The following CD55 variants were observed in gnomAD, a reference collection of about 807,000 sequenced individuals.
CD55 encodes the protein complement decay-accelerating factor.
CD55 carries 41 observed loss-of-function variants against 45.8 expected under a neutral mutation model. That is an observed-to-expected ratio of 0.90 (90% CI 0.70 to 1.16). The LOEUF (loss-of-function observed/expected upper bound fraction) is 1.16. Among genes scored for constraint, CD55 ranks in the 50% most tolerant of loss-of-function variants. The pLI is 0.00. For synonymous variants in CD55, 181 were observed against 181.1 expected (o/e 1.00, Z 0.01); for missense variants, 416 against 469.8 (o/e 0.89, Z 1.06).
chr1:207,356,975 C>T (rs1419049015), intron 9 of CD55, among the ~76,000 whole-genome samples: 5 of 152,082 alleles, frequency 3.3e-5, no homozygotes, highest in Admixed American at 3.3e-4. Context: ...TCCGTTTTTC[C>T]CATTAATAAG....
chr1:207,335,616 A>T (rs963731342), intron 6 of CD55, among the ~76,000 whole-genome samples: 1 of 152,168 alleles, frequency 6.6e-6, no homozygotes, highest in Non-Finnish European at 1.5e-5. Flanking sequence ...AAAAAACTTT[A>T]CTTATCTTAA....
intron 3 of CD55, 73 bp from the exon 4 acceptor site, chr1:207,325,549 C>T: frequency 1.2e-6 from 1 of 849,528 alleles, no homozygotes; most frequent in South Asian, 1.6e-5. Context: ...TATCTACCAC[C>T]TCACATAGTT....
At chr1:207,344,804 C>A (rs1232726269) in intron 9 of CD55, among the ~76,000 whole-genome samples, 4 of 152,164 alleles carry the variant, frequency 2.6e-5, no homozygotes, top group Non-Finnish European at 4.4e-5. Flanking sequence ...CCTCTGCCTC[C>A]CAAGTTCAAG....
chr1:207,357,019 C>T (rs1656102977), intron 9 of CD55, among the ~76,000 whole-genome samples: 1 of 152,116 alleles, frequency 6.6e-6, no homozygotes, highest in African/African-American at 2.4e-5. Context: ...ATTAAATTGT[C>T]TGTTTTAATT....
intron 9 of CD55, among the ~76,000 whole-genome samples, chr1:207,340,184 T>C (rs1011483821): frequency 6.6e-6 from 1 of 152,112 alleles, no homozygotes; most frequent in Non-Finnish European, 1.5e-5. Flanking sequence ...TGAGAACTTT[T>C]TTAGGTCTCA....
intron 9 of CD55, among the ~76,000 whole-genome samples, chr1:207,349,964 T>C (rs575578896): frequency 3.9e-5 from 6 of 152,222 alleles, no homozygotes; most frequent in Non-Finnish European, 8.8e-5. Context: ...CTTCCAGCTT[T>C]TGCTCATTCA....
At chr1:207,341,662 A>G (rs929885389) in intron 9 of CD55, among the ~76,000 whole-genome samples, 5 of 152,000 alleles carry the variant, frequency 3.3e-5, no homozygotes, top group African/African-American at 9.7e-5. Flanking sequence ...CTATAACCTT[A>G]TATTTTGAAG....
At chr1:207,345,438 G>T (rs1655594302) in intron 9 of CD55, among the ~76,000 whole-genome samples, 1 of 151,638 alleles carries the variant, frequency 6.6e-6, no homozygotes, top group Middle Eastern at 3.4e-3. Flanking sequence ...ATCTTTTTTT[G>T]ATAAACATCT....
At chr1:207,344,855 A>G (rs1258127536) in intron 9 of CD55, among the ~76,000 whole-genome samples, 1 of 152,086 alleles carries the variant, frequency 6.6e-6, no homozygotes, top group Non-Finnish European at 1.5e-5. Context: ...AGCTGGGATT[A>G]CAGGTGTGTG....
Position 207,354,152 on chromosome 1 carries a change from A to G in CD55, c.1082-5394A>G, listed in dbSNP as rs1267729100. 4 of 1,482,070 alleles carry G rather than the reference A, an allele frequency of 2.7e-6. No individual in the cohort carries two copies. In the African/African-American group the frequency reaches 5.6e-5, roughly 21 times the overall value. 91.8% of individuals were successfully genotyped at this position (1,482,070 alleles called of 1,614,324 possible). On this transcript the variant is annotated intron_variant, in intron 9 of 9. Coordinates refer to ENST00000367064, the MANE Select transcript of CD55 (RefSeq NM_000574.5). ...TCTTTGGCAGTGAAGATGATACCCT[A>G]TATATTAATGTAGTATCTGTCTAAT...
Position 207,326,838 on chromosome 1 carries a change from G to A in CD55, c.664+1G>A. 1.2e-6 allele frequency: 2 copies of A among 1,608,550 alleles called. No individual in the cohort carries two copies. Among genetic ancestry groups the A allele is most frequent in the Non-Finnish European group, 1.7e-6 (2 of 1,175,742 alleles). On this transcript the variant is annotated splice_donor_variant, in intron 5 of 9. Transcript: ENST00000367064. LOFTEE classifies it high-confidence loss of function. ...AGTGACCCGTTGCCAGAGTGCAGAG[G>A]TAAGAGTTAAAAAATCTAAGCACTC...
Position 207,359,750 on chromosome 1 carries a change from A to C in CD55, c.*140A>C. ...TTCATTGTCTTTAAGATGTGTTAGG[A>C]ATGTCAACAGAGCAAGGAGAAAAAA... On this transcript the variant is annotated 3_prime_UTR_variant, in exon 10 of 10. Transcript: ENST00000367064. 8.6e-7 allele frequency: 1 copy of C among 1,165,684 alleles called. No homozygotes were observed. The highest frequency in any genetic ancestry group is 1.1e-6 in the Non-Finnish European group (1 of 877,106). 72.2% of individuals were successfully genotyped at this position (1,165,684 alleles called of 1,614,324 possible). A position where few individuals can be genotyped will look rare whatever the true frequency, so the allele number is the denominator to read the frequency against.
chr1:207,326,436 A>G (rs999073311), intron 4 of CD55, among the ~76,000 whole-genome samples: 2 of 152,206 alleles, frequency 1.3e-5, no homozygotes, highest in Admixed American at 1.3e-4. Flanking sequence ...TGTGAAGCCC[A>G]TATTTAGAAC....
intron 6 of CD55, among the ~76,000 whole-genome samples, chr1:207,333,266 T>C (rs1655027653): frequency 3.9e-5 from 6 of 152,184 alleles, no homozygotes; most frequent in Admixed American, 3.9e-4. Context: ...ATTAGGTGGC[T>C]GGGAGAACTC....
chr1:207,321,783 G>GAGCGTGCCCGCGGCGCTGCCC lies in CD55; in HGVS notation c.19_39dup (p.Ser7_Pro13dup), dbSNP rs1654412892. 3 of 1,521,010 alleles carry GAGCGTGCCCGCGGCGCTGCCC rather than the reference G, an allele frequency of 2.0e-6. No homozygotes were observed. Among genetic ancestry groups the GAGCGTGCCCGCGGCGCTGCCC allele is most frequent in the Non-Finnish European group, 1.8e-6 (2 of 1,140,622 alleles). The allele number at this position is 1,521,010 out of a possible 1,614,324, so 94.2% of individuals were successfully genotyped here. ...GGCGCGCCATGACCGTCGCGCGGCC[G>GAGCGTGCCCGCGGCGCTGCCC]AGCGTGCCCGCGGCGCTGCCCCTCC... On this transcript the variant is annotated inframe_insertion, in exon 1 of 10. Transcript: ENST00000367064.
intron 4 of CD55, among the ~76,000 whole-genome samples, chr1:207,326,302 C>T (rs902663267): frequency 1.3e-5 from 2 of 152,104 alleles, no homozygotes; most frequent in Non-Finnish European, 2.9e-5. Context: ...TGTCCCTATT[C>T]TTTATAAAGT....
chr1:207,342,178 T>C (rs1655454828), intron 9 of CD55, among the ~76,000 whole-genome samples: 1 of 152,082 alleles, frequency 6.6e-6, no homozygotes, highest in African/African-American at 2.4e-5. Context: ...ATCGTATCAT[T>C]AAAAAAGAGG....
At chr1:207,350,156 T>C (rs1292555429) in intron 9 of CD55, 2 of 453,588 alleles carry the variant, frequency 4.4e-6, no homozygotes, top group Non-Finnish European at 8.9e-6. Context: ...ATGTGATGAA[T>C]CACATTTATT....
At chr1:207,329,365 C>T (rs1654838420) in intron 5 of CD55, among the ~76,000 whole-genome samples, 1 of 152,180 alleles carries the variant, frequency 6.6e-6, no homozygotes, top group African/African-American at 2.4e-5. Flanking sequence ...TGGCCTCCTG[C>T]CTCCATTCTT....
Sources: gnomAD v4.1 joint callset for allele counts (sites outside exome capture counted in the v4.1 genomes callset) on GRCh38, gnomAD v4.1.1 for gene constraint, MANE v1.5 for transcripts, NCBI Gene and HGNC (gene_info 2026-07-23, HGNC 2026-07-21) for gene names.